The following AIG1 variants were observed in gnomAD, a reference collection of about 807,000 sequenced individuals.
The protein encoded by AIG1 is androgen-induced gene 1 protein.
AIG1 carries 23 observed loss-of-function variants against 31.4 expected under a neutral mutation model. The observed-to-expected ratio is 0.73, with a 90% CI of 0.53 to 1.04. The LOEUF (loss-of-function observed/expected upper bound fraction) is 1.04, where lower values mean the gene tolerates loss of function less well. Among genes scored for constraint, AIG1 ranks in the 50% least tolerant of loss-of-function variants. The probability of loss-of-function intolerance (pLI) is 0.00; values close to 1 mark genes in which losing one functional copy is unlikely to be tolerated. For missense variants in AIG1, 274 were observed against 295.0 expected, an observed-to-expected ratio of 0.93 and a Z score of 0.52; for synonymous variants, 100 against 110.5, an observed-to-expected ratio of 0.90 and a Z score of 0.60.
At chr6:143,342,399 T>C, downstream of AIG1, 1 of 711,430 alleles carries the variant, frequency 1.4e-6, no homozygotes, top group Non-Finnish European at 2.6e-6. Context: ...GAAAAAAATG[T>C]GGTTCAGAAA....
rs930530829 is a variant in AIG1 at position 143,340,890 on chromosome 6, A to G, written c.*1214A>G. 9.2e-5 allele frequency among the ~76,000 whole-genome samples: 14 copies of G among 152,164 alleles called. No homozygotes were observed. The highest frequency in any genetic ancestry group is 1.9e-4 in the Non-Finnish European group (13 of 68,032). On this transcript the variant is annotated 3_prime_UTR_variant, in exon 6 of 6. Transcript: ENST00000357847. Reference sequence around the variant, plus strand: ...TATAAGTATTGATTGCCCAATGTTGAGAGAGATCAACAAATGATATAAAAC... The same window carrying G: ...TATAAGTATTGATTGCCCAATGTTGGGAGAGATCAACAAATGATATAAAAC...
rs111260355 is a variant in AIG1, at chr6:143,186,924, C to T, written c.399+21741C>T. 167 of 168,198 alleles carry T rather than the reference C, an allele frequency of 9.9e-4. 3 individuals are homozygous for T. The highest frequency in any genetic ancestry group is 6.0e-3 in the South Asian group (39 of 6,494). The allele number at this position is 168,198 out of a possible 1,614,324, so 10.4% of individuals were successfully genotyped here. A position where few individuals can be genotyped will look rare whatever the true frequency, so the allele number is the denominator to read the frequency against. On this transcript the variant is annotated intron_variant, in intron 3 of 5. Coordinates refer to ENST00000357847, the MANE Select transcript of AIG1 (RefSeq NM_016108.4). ...TGTGGGATTCACAAGGTTGCCCTTG[C>T]AAGTACAGAATACCGTGCCTGCCAC...
In AIG1 at chr6:143,207,519, T is replaced by TAC. The variant is rs10537250; in HGVS notation, c.399+42361_399+42362dup. 4.7e-3 allele frequency among the ~76,000 whole-genome samples: 695 copies of TAC among 149,188 alleles called. 4 individuals carry two copies. The highest frequency in any genetic ancestry group is 0.015 in the African/African-American group (591 of 40,520). ...TTTAGATTTCCCGTAACCATTACAA[T>TAC]ACACACACACACACACACACACACA... On this transcript the variant is annotated intron_variant, in intron 3 of 5. Transcript: ENST00000357847.
rs376456281 is a variant in AIG1, at chr6:143,130,898, A to G, written c.142-5937A>G. Among the ~76,000 whole-genome samples the G allele has an allele frequency of 1.7e-3, 261 of 152,064 alleles. 2 individuals are homozygous for G. Among genetic ancestry groups the G allele is most frequent in the African/African-American group, 6.0e-3 (250 of 41,482 alleles). On this transcript the variant is annotated intron_variant, in intron 1 of 5. Transcript: ENST00000357847. Reference sequence around the variant, plus strand: ...CCACCTCCACCCCTCAATAGACCCCACTGTGTGTTGTTCCCCTCTCTGTGT... The same window carrying G: ...CCACCTCCACCCCTCAATAGACCCCGCTGTGTGTTGTTCCCCTCTCTGTGT...
chr6:143,237,671 TCTAACCGAAC>T (rs1013861283), intron 3 of AIG1, among the ~76,000 whole-genome samples: 2 of 152,206 alleles, frequency 1.3e-5, no homozygotes, highest in Non-Finnish European at 2.9e-5. Flanking sequence ...CAATTTCTAC[TCTAACCGAAC>T]CTAGCTTTGA....
intron 1 of AIG1, among the ~76,000 whole-genome samples, chr6:143,107,533 C>A (rs1193831377): frequency 6.6e-6 from 1 of 151,968 alleles, no homozygotes; most frequent in East Asian, 1.9e-4. Flanking sequence ...TAGAATAAAG[C>A]TTCCTTCATA....
intron 3 of AIG1, among the ~76,000 whole-genome samples, chr6:143,276,920 A>G (rs1234227601): frequency 1.3e-5 from 2 of 152,212 alleles, no homozygotes; most frequent in Non-Finnish European, 2.9e-5. Flanking sequence ...CATCTCATCC[A>G]GCTAACACTG....
At chr6:143,111,948 G>A (rs925261596) in intron 1 of AIG1, among the ~76,000 whole-genome samples, 1 of 151,952 alleles carries the variant, frequency 6.6e-6, no homozygotes, top group Admixed American at 6.6e-5. Context: ...CTCCTAACTG[G>A]TCTCTCTGCC....
At chr6:143,312,684 AC>A (rs1395005125) in intron 4 of AIG1, among the ~76,000 whole-genome samples, 1 of 152,178 alleles carries the variant, frequency 6.6e-6, no homozygotes, top group Non-Finnish European at 1.5e-5. Flanking sequence ...AGCACAAGCA[AC>A]CAAAGCAAAA....
At chr6:143,157,544 C>T (rs1429432647) in intron 2 of AIG1, among the ~76,000 whole-genome samples, 2 of 151,310 alleles carry the variant, frequency 1.3e-5, no homozygotes, top group Non-Finnish European at 2.9e-5. Context: ...TTATTTAGCA[C>T]CTAGTGTTTC....
intron 1 of AIG1, among the ~76,000 whole-genome samples, chr6:143,068,127 C>A (rs1320281234): frequency 6.6e-6 from 1 of 152,186 alleles, no homozygotes; most frequent in African/African-American, 2.4e-5. Context: ...CATCTGACCA[C>A]TAGTTGAGGT....
At chr6:143,305,781 G>T (rs1419509576) in intron 4 of AIG1, among the ~76,000 whole-genome samples, 1 of 151,942 alleles carries the variant, frequency 6.6e-6, no homozygotes, top group African/African-American at 2.4e-5. Flanking sequence ...GGGTATCCTT[G>T]TTAACTTTCT....
At chr6:143,209,099 T>C (rs1316838561) in intron 3 of AIG1, among the ~76,000 whole-genome samples, 1 of 152,214 alleles carries the variant, frequency 6.6e-6, no homozygotes, top group Non-Finnish European at 1.5e-5. Flanking sequence ...CCTAGAAGGT[T>C]GGCTGAAGCC....
At chr6:143,140,542 C>T (rs2128526932) in intron 2 of AIG1, among the ~76,000 whole-genome samples, 1 of 152,238 alleles carries the variant, frequency 6.6e-6, no homozygotes, top group South Asian at 2.1e-4. Context: ...GGACTTTCTT[C>T]CTTATTAAAA....
intron 4 of AIG1, among the ~76,000 whole-genome samples, chr6:143,318,372 A>G (rs1775937985): frequency 6.6e-6 from 1 of 152,094 alleles, no homozygotes; most frequent in Non-Finnish European, 1.5e-5. Context: ...ACAAAAACAC[A>G]AAGTGGGGAA....
At chr6:143,259,342 A>G (rs890122048) in intron 3 of AIG1, among the ~76,000 whole-genome samples, 2 of 152,218 alleles carry the variant, frequency 1.3e-5, no homozygotes, top group African/African-American at 4.8e-5. Flanking sequence ...CAGCAGCATT[A>G]CATGCCATAG....
chr6:143,099,355 C>G (rs1780053359), intron 1 of AIG1: 1 of 152,174 alleles, frequency 6.6e-6, no homozygotes, highest in South Asian at 2.1e-4. Context: ...GCTCTGTTCC[C>G]TAGAGCACAC....
chr6:143,254,265 CA>C (rs1294747934), intron 3 of AIG1, among the ~76,000 whole-genome samples: 1 of 152,208 alleles, frequency 6.6e-6, no homozygotes, highest in Non-Finnish European at 1.5e-5. Context: ...GCTTGATTCT[CA>C]GTTGTACTGA....
At chr6:143,341,906 A>T (rs1398055386), downstream of AIG1, among the ~76,000 whole-genome samples, 2 of 152,278 alleles carry the variant, frequency 1.3e-5, no homozygotes, top group Middle Eastern at 3.4e-3. Flanking sequence ...TCCCTGGGAT[A>T]TCGAATGAAG....
Sources: allele counts gnomAD v4.1 joint callset (sites outside exome capture counted in the v4.1 genomes callset), GRCh38; gene constraint gnomAD v4.1.1; transcripts MANE v1.5; gene names NCBI Gene and HGNC (gene_info 2026-07-23, HGNC 2026-07-21).